The following SNX3 variants were observed in gnomAD, a reference collection of about 807,000 sequenced individuals.
The protein encoded by SNX3 is sorting nexin 3, also known as sorting nexin-3.
Under a neutral mutation model 17.7 loss-of-function variants are expected in SNX3, and 5 were observed. The observed-to-expected ratio is 0.28, with a 90% CI of 0.15 to 0.59. SNX3 has a LOEUF of 0.59. SNX3 is among the 20% of genes least tolerant of loss of function. SNX3 has a pLI of 0.88. For missense variants in SNX3, 132 were observed against 206.8 expected, an observed-to-expected ratio of 0.64 and a Z score of 2.22; for synonymous variants, 91 against 76.5, an observed-to-expected ratio of 1.19 and a Z score of -0.99.
At chr6:108,214,737 T>C in intron 2 of SNX3, 115 bp from the exon 3 acceptor site, 1 of 1,122,168 alleles carries the variant, frequency 8.9e-7, no homozygotes, top group Non-Finnish European at 1.2e-6. Flanking sequence ...CCGGTCAAAC[T>C]AGTTGAAATA....
In SNX3 at chr6:108,250,771, G is replaced by A. The variant is rs565188338; in HGVS notation, c.162+9989C>T. Among the ~76,000 whole-genome samples, 51 of 152,292 alleles carry A rather than the reference G, an allele frequency of 3.3e-4. 1 individual carries two copies. The highest frequency in any genetic ancestry group is 1.2e-3 in the African/African-American group (50 of 41,550). On this transcript the variant is annotated intron_variant, in intron 1 of 3. Transcript: ENST00000230085. ...AAAAACGGAAAGCAAACAAGCTATA[G>A]GTGGCAGGTGCTAAAATAACTTTAG...
intron 3 of SNX3, 108 bp downstream of exon 3, chr6:108,214,390 G>T: frequency 9.4e-7 from 1 of 1,061,370 alleles, no homozygotes; most frequent in Non-Finnish European, 1.4e-6. Context: ...GATATGAAAA[G>T]TTAGGAAATG....
chr6:108,224,516 G>A (rs955957646), intron 1 of SNX3, among the ~76,000 whole-genome samples: 1 of 152,094 alleles, frequency 6.6e-6, no homozygotes, highest in Non-Finnish European at 1.5e-5. Flanking sequence ...TCCTGACCGC[G>A]TGATCTGCCC....
intron 1 of SNX3, among the ~76,000 whole-genome samples, chr6:108,247,347 A>G (rs1272489300): frequency 6.6e-6 from 1 of 152,058 alleles, no homozygotes; most frequent in Non-Finnish European, 1.5e-5. Flanking sequence ...CTAAGTAAGA[A>G]TGATGAAGTG....
At chr6:108,219,936 G>T (rs142426976) in intron 2 of SNX3, among the ~76,000 whole-genome samples, 1 of 152,106 alleles carries the variant, frequency 6.6e-6, no homozygotes, top group East Asian at 1.9e-4. Context: ...GCCTAGAGAT[G>T]TCTTGGTGAT....
intron 1 of SNX3, among the ~76,000 whole-genome samples, chr6:108,233,869 G>A (rs1775244079): frequency 6.6e-6 from 1 of 152,168 alleles, no homozygotes. Flanking sequence ...TTTAAGGGTA[G>A]TGATTTGGAA....
chr6:108,257,418 C>T (rs1370355101), intron 1 of SNX3, among the ~76,000 whole-genome samples: 3 of 151,954 alleles, frequency 2.0e-5, no homozygotes, highest in Non-Finnish European at 4.4e-5. Flanking sequence ...GAGGCTGAGG[C>T]GGGGGGAATA....
chr6:108,221,895 A>C (rs1332215124), intron 2 of SNX3, among the ~76,000 whole-genome samples: 1 of 151,910 alleles, frequency 6.6e-6, no homozygotes, highest in East Asian at 1.9e-4. Flanking sequence ...CTTTCTTAAC[A>C]CAGATTTTGT....
chr6:108,247,710 T>G (rs1164070244), intron 1 of SNX3, among the ~76,000 whole-genome samples: 1 of 151,846 alleles, frequency 6.6e-6, no homozygotes. Context: ...GAAATAAGAG[T>G]AATTACAGTT....
intron 2 of SNX3, among the ~76,000 whole-genome samples, chr6:108,221,760 GTC>G (rs1296823052): frequency 1.3e-5 from 2 of 151,838 alleles, no homozygotes; most frequent in African/African-American, 4.8e-5. Flanking sequence ...GCCCACGCTG[GTC>G]TCGAACTCCT....
chr6:108,243,241 G>C (rs1775574823), intron 1 of SNX3, among the ~76,000 whole-genome samples: 1 of 151,800 alleles, frequency 6.6e-6, no homozygotes, highest in Admixed American at 6.6e-5. Flanking sequence ...GTGTAGATGA[G>C]ACTATAGGCA....
chr6:108,252,865 T>C (rs1775908255), intron 1 of SNX3, among the ~76,000 whole-genome samples: 1 of 151,978 alleles, frequency 6.6e-6, no homozygotes, highest in Admixed American at 6.6e-5. Context: ...CTCGAACTCC[T>C]GATCTCGAGG....
intron 1 of SNX3, among the ~76,000 whole-genome samples, chr6:108,233,843 G>A (rs1002573065): frequency 2.6e-5 from 4 of 152,182 alleles, no homozygotes; most frequent in Non-Finnish European, 5.9e-5. Context: ...AGATATGGGC[G>A]ATAATATTTT....
intron 1 of SNX3, among the ~76,000 whole-genome samples, chr6:108,229,376 T>C (rs1311804611): frequency 6.6e-6 from 1 of 152,094 alleles, no homozygotes; most frequent in Non-Finnish European, 1.5e-5. Context: ...TCATTCATTC[T>C]TTCCCCTCCT....
intron 1 of SNX3, among the ~76,000 whole-genome samples, chr6:108,244,392 T>C (rs1295686682): frequency 6.6e-6 from 1 of 152,180 alleles, no homozygotes; most frequent in East Asian, 1.9e-4. Context: ...TGACCTCAAG[T>C]GATCCTCCTG....
intron 1 of SNX3, among the ~76,000 whole-genome samples, chr6:108,224,338 T>C (rs911687788): frequency 6.6e-6 from 1 of 152,204 alleles, no homozygotes; most frequent in East Asian, 1.9e-4. Flanking sequence ...TGTAGTGCAG[T>C]GGCGTGATCT....
At chr6:108,214,456 AC>A (rs1228787175) in intron 3 of SNX3, 41 bp downstream of exon 3, 34 of 1,591,030 alleles carry the variant, frequency 2.1e-5, no homozygotes, top group Non-Finnish European at 2.7e-5. Flanking sequence ...ACAAGTAGTC[AC>A]TTAAAGTAGT....
At chr6:108,230,458 A>T (rs1775109537) in intron 1 of SNX3, among the ~76,000 whole-genome samples, 2 of 152,194 alleles carry the variant, frequency 1.3e-5, no homozygotes, top group African/African-American at 4.8e-5. Context: ...ACAATAGATC[A>T]GCCGATGTGG....
chr6:108,241,139 G>A (rs1204135452), intron 1 of SNX3, among the ~76,000 whole-genome samples: 17 of 75,884 alleles, frequency 2.2e-4, no homozygotes, highest in Non-Finnish European at 3.1e-4. Context: ...GCAAGACTCC[G>A]TCTCAAAAAA....
Sources: allele counts gnomAD v4.1 joint callset (sites outside exome capture counted in the v4.1 genomes callset), GRCh38; gene constraint gnomAD v4.1.1; transcripts MANE v1.5; gene names NCBI Gene and HGNC (gene_info 2026-07-23, HGNC 2026-07-21).